Variants in SLC37A3 observed in about 807,000 individuals in gnomAD.
SLC37A3 encodes sugar phosphate exchanger 3.
A neutral mutation model predicts 67.1 loss-of-function variants in SLC37A3; 51 were observed. That is an observed-to-expected ratio of 0.76 (90% CI 0.61 to 0.96). The LOEUF (loss-of-function observed/expected upper bound fraction) is 0.96, where lower values mean the gene tolerates loss of function less well. SLC37A3 is among the 40% of genes least tolerant of loss of function. SLC37A3 has a pLI of 0.00. For missense variants in SLC37A3, 508 were observed against 603.0 expected, an observed-to-expected ratio of 0.84 and a Z score of 1.65; for synonymous variants, 214 against 231.4, an observed-to-expected ratio of 0.92 and a Z score of 0.68.
At chr7:140,375,153 CAA>C (rs1187500167) in intron 3 of SLC37A3, among the ~76,000 whole-genome samples, 1 of 79,574 alleles carries the variant, frequency 1.3e-5, no homozygotes, top group Non-Finnish European at 2.6e-5. Context: ...GATTCCGCCT[CAA>C]AAAAAAAACA....
intron 1 of SLC37A3, among the ~76,000 whole-genome samples, chr7:140,389,106 T>A (rs1202401871): frequency 1.3e-5 from 2 of 152,150 alleles, no homozygotes; most frequent in Non-Finnish European, 2.9e-5. Context: ...AGGAATTCAG[T>A]TCATGGTTTG....
At chr7:140,340,293 C>CTTTT (rs35512830) in intron 13 of SLC37A3, among the ~76,000 whole-genome samples, 1 of 141,912 alleles carries the variant, frequency 7.0e-6, no homozygotes. Flanking sequence ...CAACCTCATT[C>CTTTT]TTTTTTTTTT....
chr7:140,380,135 T>G, intron 3 of SLC37A3, 147 bp downstream of exon 3: 1 of 460,602 alleles, frequency 2.2e-6, no homozygotes. Context: ...GGCTTTGAAA[T>G]TAGAATAGTT....
intron 1 of SLC37A3, among the ~76,000 whole-genome samples, chr7:140,391,504 C>T (rs576953791): frequency 1.3e-5 from 2 of 152,262 alleles, no homozygotes; most frequent in African/African-American, 4.8e-5. Context: ...TGCAGTGAGC[C>T]GAGATCAGGC....
chr7:140,357,950 C>A (rs1315382693), intron 6 of SLC37A3, among the ~76,000 whole-genome samples: 1 of 151,874 alleles, frequency 6.6e-6, no homozygotes, highest in Non-Finnish European at 1.5e-5. Flanking sequence ...GTGGTACACA[C>A]CTGTAATCCC....
rs1395917868 is a variant in SLC37A3, at chr7:140,387,540, A to T, written c.-70-4944T>A. Among the ~76,000 whole-genome samples the T allele has an allele frequency of 6.8e-5, 10 of 146,064 alleles. No homozygotes were observed. The South Asian group carries it at 1.9e-3, about 28-fold the overall frequency. The stretch of plus-strand genomic sequence containing the variant: ...TGAGGCACGAAAATCACTTGAACCT[A>T]GAAGGTGGAGGCTGCGGTGAGCTGA... On this transcript the variant is annotated intron_variant, in intron 1 of 14. Transcript: ENST00000326232.
intron 9 of SLC37A3, among the ~76,000 whole-genome samples, chr7:140,350,904 C>T (rs1009514834): frequency 6.6e-5 from 10 of 152,162 alleles, no homozygotes; most frequent in Non-Finnish European, 1.5e-4. Context: ...ATCAATTTTG[C>T]CTTTTTAATC....
rs762041229 is a variant in SLC37A3 at position 140,345,941 on chromosome 7, C to T, written c.1054G>A (p.Val352Ile). ...GGTLQGFISD[V>I]LQKRAPVLAL... ...AGAACCGGCGCTCTCTTCTGTAGTA[C>T]ATCAGAGATGAAGCCTTGCAAAGTT... The change falls in exon 11 of 15, where the codon GTA (valine) becomes ATA (isoleucine). Residue 352 changes from valine (V) to isoleucine (I), a missense_variant. Physicochemically the swap from Val to Ile is conservative, Grantham distance 29. Transcript: ENST00000326232. 9 of 1,613,824 alleles carry T rather than the reference C, an allele frequency of 5.6e-6. No individual in the cohort carries two copies. The highest frequency in any genetic ancestry group is 1.7e-5 in the Admixed American group (1 of 59,974).
intron 2 of SLC37A3, among the ~76,000 whole-genome samples, chr7:140,381,681 A>G (rs1257754471): frequency 6.6e-6 from 1 of 152,138 alleles, no homozygotes; most frequent in African/African-American, 2.4e-5. Context: ...TTACTAAGAG[A>G]ACCACTTAAG....
Position 140,353,744 on chromosome 7 carries a change from G to A in SLC37A3, c.619-1598C>T, listed in dbSNP as rs938967673. Among the ~76,000 whole-genome samples, 5 of 150,696 alleles carry A rather than the reference G, an allele frequency of 3.3e-5. No homozygotes were observed. In the South Asian group the frequency reaches 1.1e-3, roughly 32 times the overall value. On this transcript the variant is annotated intron_variant, in intron 7 of 14. Coordinates refer to ENST00000326232, the MANE Select transcript of SLC37A3 (RefSeq NM_207113.3). ...TGTTTTTTTTTTGATACGGAGTCTC[G>A]CTTTGTCACTCAGGCTGGAGTGCAA...
rs1798943229 is a variant in SLC37A3 at position 140,396,795 on chromosome 7, T to G, written c.-71+1621A>C. 5.3e-5 allele frequency among the ~76,000 whole-genome samples: 8 copies of G among 151,546 alleles called. 1 individual carries two copies. In the South Asian group the frequency reaches 1.7e-3, roughly 31 times the overall value. ...GCAGAGACTCGAAATCAAACACTAATAGAAGAATGGTGTCATTCAAGAGAC... is the reference window on the plus strand; with the variant it reads ...GCAGAGACTCGAAATCAAACACTAAGAGAAGAATGGTGTCATTCAAGAGAC... On this transcript the variant is annotated intron_variant, in intron 1 of 14. Transcript: ENST00000326232.
At chr7:140,351,990 T>C (rs73472791) in intron 8 of SLC37A3, 72 bp downstream of exon 8, 161,694 of 1,431,978 alleles carry the variant, frequency 0.11, 10,769 homozygotes, top group South Asian at 0.23. Flanking sequence ...AGAGATTCGA[T>C]TTCTTGGCCT....
At chr7:140,353,550 A>T (rs1360417110) in intron 7 of SLC37A3, among the ~76,000 whole-genome samples, 1 of 151,620 alleles carries the variant, frequency 6.6e-6, no homozygotes, top group African/African-American at 2.4e-5. Context: ...AATTCTCCCG[A>T]TTTTCCCAAC....
At chr7:140,362,457 G>T (rs1320639417) in intron 5 of SLC37A3, among the ~76,000 whole-genome samples, 1 of 145,028 alleles carries the variant, frequency 6.9e-6, no homozygotes, top group African/African-American at 2.6e-5. Flanking sequence ...CAGCCGCCCC[G>T]TCTGGGAGGT....
At chr7:140,384,377 A>AT (rs1377661479) in intron 1 of SLC37A3, among the ~76,000 whole-genome samples, 1 of 152,158 alleles carries the variant, frequency 6.6e-6, no homozygotes, top group Non-Finnish European at 1.5e-5. Flanking sequence ...CATCTATATA[A>AT]TTTTTATAAT....
intron 4 of SLC37A3, among the ~76,000 whole-genome samples, 165 bp downstream of exon 4, chr7:140,369,425 G>A (rs1294717043): frequency 6.6e-6 from 1 of 152,120 alleles, no homozygotes; most frequent in Non-Finnish European, 1.5e-5. Context: ...AATATCTGTC[G>A]AATGAATGAA....
intron 9 of SLC37A3, among the ~76,000 whole-genome samples, chr7:140,350,489 G>A (rs1446677917): frequency 6.6e-6 from 1 of 151,526 alleles, no homozygotes; most frequent in African/African-American, 2.4e-5. Flanking sequence ...GGCAAGCCAG[G>A]CGCGGTGGCT....
chr7:140,389,814 T>C (rs1798654268), intron 1 of SLC37A3, among the ~76,000 whole-genome samples: 1 of 152,158 alleles, frequency 6.6e-6, no homozygotes, highest in South Asian at 2.1e-4. Flanking sequence ...TCTATAGTGG[T>C]ATTTAGAGTC....
intron 13 of SLC37A3, 55 bp downstream of exon 13, chr7:140,343,357 T>C: frequency 6.2e-7 from 1 of 1,610,270 alleles, no homozygotes; most frequent in South Asian, 1.1e-5. Flanking sequence ...AGGTTCACAT[T>C]CAGCCGCCTT....
Sources: gnomAD v4.1 joint callset for allele counts (sites outside exome capture counted in the v4.1 genomes callset) on GRCh38, gnomAD v4.1.1 for gene constraint, MANE v1.5 for transcripts, NCBI Gene and HGNC (gene_info 2026-07-23, HGNC 2026-07-21) for gene names.